Variants in MED12L observed in about 807,000 individuals in gnomAD.
MED12L encodes the protein mediator of RNA polymerase II transcription subunit 12-like protein.
Under a neutral mutation model 281.3 loss-of-function variants are expected in MED12L, and 60 were observed. The observed-to-expected ratio is 0.21, with a 90% confidence interval of 0.17 to 0.26. The LOEUF is 0.26. Among genes scored for constraint, MED12L ranks in the 10% least tolerant of loss-of-function variants. The pLI is 1.00. For missense variants in MED12L, 2,146 were observed against 2,680.9 expected (o/e 0.80, Z 4.41); for synonymous variants, 974 against 987.2 (o/e 0.99, Z 0.25).
intron 16 of MED12L, among the ~76,000 whole-genome samples, chr3:151,236,895 C>G (rs1033399460): frequency 6.6e-6 from 1 of 152,072 alleles, no homozygotes; most frequent in Non-Finnish European, 1.5e-5. Context: ...TGGGGTATTT[C>G]CAGGTTTTTG....
intron 38 of MED12L, among the ~76,000 whole-genome samples, chr3:151,392,284 T>C (rs1028346155): frequency 6.6e-6 from 1 of 151,688 alleles, no homozygotes; most frequent in African/African-American, 2.4e-5. Flanking sequence ...GCCAATATGG[T>C]GAAACCCCGT....
In MED12L at chr3:151,116,064, C is replaced by CA. The variant is rs59017489; in HGVS notation, c.100-251dup. Among the ~76,000 whole-genome samples the CA allele has an allele frequency of 9.5e-3, 877 of 91,986 alleles. 1 individual carries two copies. The highest frequency in any genetic ancestry group is 0.012 in the Non-Finnish European group (550 of 46,514). 60.3% of individuals were successfully genotyped at this position (91,986 alleles called of 152,430 possible). ...GGGCGACAGAGCGAGACTCCATCTC[C>CA]AAAAAAAAAAAAAAAAAAAAAAAGA... On this transcript the variant is annotated intron_variant, in intron 2 of 44. Coordinates refer to ENST00000687756, the MANE Select transcript of MED12L (RefSeq NM_001393769.1).
At chr3:151,354,192 C>A (rs749297648) in intron 17 of MED12L, among the ~76,000 whole-genome samples, 28 of 143,776 alleles carry the variant, frequency 1.9e-4, no homozygotes, top group Non-Finnish European at 3.2e-4. Flanking sequence ...ATGACATTAT[C>A]AATCATATAT....
At chr3:151,127,081 G>A (rs980003218) in intron 4 of MED12L, among the ~76,000 whole-genome samples, 10 of 152,230 alleles carry the variant, frequency 6.6e-5, no homozygotes, top group African/African-American at 2.2e-4. Flanking sequence ...AGATGAATGG[G>A]CTATTCTTAG....
chr3:151,227,373 T>C (rs1730731092), intron 16 of MED12L, among the ~76,000 whole-genome samples: 1 of 152,232 alleles, frequency 6.6e-6, no homozygotes, highest in Non-Finnish European at 1.5e-5. Context: ...AATCTGAATT[T>C]CTGCTACAAA....
At position 151,435,041 on chromosome 3, in the gene MED12L, A is replaced by T. The variant is rs1194944324; in HGVS notation, c.*2237A>T. 2 of 144,230 alleles carry T rather than the reference A, an allele frequency of 1.4e-5. No individual in the cohort carries two copies. The highest frequency in any genetic ancestry group is 5.2e-5 in the African/African-American group (2 of 38,148). The allele number at this position is 144,230 out of a possible 1,614,324, so 8.9% of individuals were successfully genotyped here. ...TAGTCTTCAGATTTTCTCCCTGTTA[A>T]TTCTGTATCTTGAGAGGTTTCTTTT... On this transcript the variant is annotated 3_prime_UTR_variant, in exon 45 of 45. Transcript: ENST00000687756.
intron 2 of MED12L, among the ~76,000 whole-genome samples, chr3:151,098,470 G>T (rs1467419346): frequency 6.6e-6 from 1 of 152,194 alleles, no homozygotes; most frequent in African/African-American, 2.4e-5. Flanking sequence ...CCCTCTGAAG[G>T]CTCTAGGAGG....
At chr3:151,146,330 G>A (rs772150840) in intron 5 of MED12L, among the ~76,000 whole-genome samples, 64 of 152,234 alleles carry the variant, frequency 4.2e-4, no homozygotes, top group Non-Finnish European at 3.5e-4. Flanking sequence ...TTCTGTGTGT[G>A]GAACTCCTTT....
chr3:151,370,163 A>G (rs1220124160), intron 26 of MED12L, among the ~76,000 whole-genome samples: 1 of 152,198 alleles, frequency 6.6e-6, no homozygotes, highest in Non-Finnish European at 1.5e-5. Flanking sequence ...TTTTCCTGGA[A>G]TAATAGCACT....
intron 16 of MED12L, among the ~76,000 whole-genome samples, chr3:151,262,243 A>G (rs1387879115): frequency 1.3e-5 from 2 of 152,352 alleles, no homozygotes; most frequent in Admixed American, 6.5e-5. Flanking sequence ...TTCAGGATGT[A>G]TCCCATCAGA....
chr3:151,130,618 C>A (rs774044394), intron 5 of MED12L, among the ~76,000 whole-genome samples: 2 of 152,172 alleles, frequency 1.3e-5, no homozygotes, highest in Non-Finnish European at 2.9e-5. Flanking sequence ...GCGACGCCAG[C>A]GACCTGCCTG....
Position 151,224,446 on chromosome 3 carries a change from CT to C in MED12L, c.2250+30793del, listed in dbSNP as rs80099332. On this transcript the variant is annotated intron_variant, in intron 16 of 44. Coordinates refer to ENST00000687756, the MANE Select transcript of MED12L (RefSeq NM_001393769.1). The stretch of plus-strand genomic sequence containing the variant: ...ATCTCTCATGCCTTAATGTTTAACA[CT>C]TTTTTTTTTTTTGGTGTCAATGTGA... 4.5e-3 allele frequency among the ~76,000 whole-genome samples: 642 copies of C among 142,790 alleles called. 1 individual carries two copies. The highest frequency in any genetic ancestry group is 4.2e-3 in the Non-Finnish European group (273 of 64,924). 93.7% of individuals were successfully genotyped at this position (142,790 alleles called of 152,430 possible).
chr3:151,412,204 G>A (rs753708369), intron 41 of MED12L, among the ~76,000 whole-genome samples: 15 of 152,214 alleles, frequency 9.9e-5, no homozygotes, highest in Non-Finnish European at 2.1e-4. Flanking sequence ...CTTCAATGGT[G>A]TGTGACGTGC....
intron 43 of MED12L, among the ~76,000 whole-genome samples, chr3:151,417,483 C>G (rs1490400902): frequency 1.1e-5 from 1 of 93,322 alleles, no homozygotes. Context: ...AGCTCCCCCC[C>G]CGCCTTTTTT....
At chr3:151,266,403 A>C (rs989114730) in intron 16 of MED12L, among the ~76,000 whole-genome samples, 8 of 152,262 alleles carry the variant, frequency 5.3e-5, no homozygotes, top group African/African-American at 1.9e-4. Flanking sequence ...TCATCCAGAT[A>C]GAAAGCAGTT....
At chr3:151,249,644 G>A (rs547597707) in intron 16 of MED12L, among the ~76,000 whole-genome samples, 2 of 152,248 alleles carry the variant, frequency 1.3e-5, no homozygotes, top group Non-Finnish European at 2.9e-5. Context: ...CTGTTATCCT[G>A]ACACATTTCC....
intron 39 of MED12L, among the ~76,000 whole-genome samples, chr3:151,395,587 C>T (rs566946490): frequency 2.6e-5 from 4 of 152,256 alleles, no homozygotes; most frequent in East Asian, 1.9e-4. Flanking sequence ...TTTCTGTATA[C>T]TTGTATTTTC....
At chr3:151,203,676 TTTATC>T (rs1028315202) in intron 16 of MED12L, among the ~76,000 whole-genome samples, 45 of 152,192 alleles carry the variant, frequency 3.0e-4, no homozygotes, top group African/African-American at 9.9e-4. Context: ...ATACATTTTA[TTTATC>T]TTATTTTATG....
At chr3:151,163,353 A>T (rs1720246396) in intron 8 of MED12L, among the ~76,000 whole-genome samples, 1 of 152,226 alleles carries the variant, frequency 6.6e-6, no homozygotes, top group Admixed American at 6.5e-5. Flanking sequence ...ATGTGTGACA[A>T]AAACTGTAGG....
Sources: gnomAD v4.1 joint callset for allele counts (sites outside exome capture counted in the v4.1 genomes callset) on GRCh38, gnomAD v4.1.1 for gene constraint, MANE v1.5 for transcripts, NCBI Gene and HGNC (gene_info 2026-07-23, HGNC 2026-07-21) for gene names.